The following CFAP43 variants were observed in gnomAD, a reference collection of about 807,000 sequenced individuals.
The protein encoded by CFAP43 is cilia- and flagella-associated protein 43.
Under a neutral mutation model 218.9 loss-of-function variants are expected in CFAP43, and 155 were observed. That is an observed-to-expected ratio of 0.71 (90% CI 0.62 to 0.81). CFAP43 has a LOEUF of 0.81. CFAP43 is among the 30% of genes least tolerant of loss of function. The pLI is 0.00. For synonymous variants in CFAP43, 645 were observed against 681.3 expected (o/e 0.95, Z 0.83); for missense variants, 1,778 against 1,954.3 (o/e 0.91, Z 1.70).
Position 104,131,448 on chromosome 10 carries a change from G to A in CFAP43, c.4714C>T (p.Leu1572Phe), listed in dbSNP as rs1231330887. The A allele has an allele frequency of 1.6e-5, 26 of 1,613,102 alleles. No homozygotes were observed. The highest frequency in any genetic ancestry group is 4.0e-5 in the African/African-American group (3 of 74,850). ...TTGCTGAACTTTCCAAGTTTTTTGA[G>A]TAGTTTCTTGCAGTTTTCCACATTC... ...KKNVENCKKLLKKLGKFSNQK... is the reference protein window; with the variant it reads ...KKNVENCKKLFKKLGKFSNQK... Residue 1572 changes from leucine to phenylalanine, a missense_variant, in exon 37 of 38, where the codon CTC becomes TTC. Leu to Phe is a conservative substitution (Grantham distance 22). Around this residue, in one of 3 missense-constraint regions of CFAP43, gnomAD observed 211 missense variants for 230.6 expected, o/e 0.91. Transcript: ENST00000357060.
In CFAP43 at chr10:104,193,963, C is replaced by A. The variant is rs1315531871; in HGVS notation, c.1345G>T (p.Glu449Ter). Reference sequence around the variant, plus strand: ...CTGATGAAGTAGACCGAGCCATCCTCCGTGCCCACGGCTGCAGAGAGGGAG... The same window carrying A: ...CTGATGAAGTAGACCGAGCCATCCTACGTGCCCACGGCTGCAGAGAGGGAG... Reference protein sequence around the residue: ...PSSLSAAVGTEDGSVYFISVY... With the variant: ...PSSLSAAVGT The change falls in exon 11 of 38, where the codon GAG becomes TAG. Residue 449 changes from glutamate to a stop codon, truncating the protein, a stop_gained. Transcript: ENST00000357060. LOFTEE classifies it high-confidence loss of function. The A allele has an allele frequency of 1.9e-6, 3 of 1,613,960 alleles. No homozygotes were observed. Among genetic ancestry groups the A allele is most frequent in the African/African-American group, 2.7e-5 (2 of 74,906 alleles).
chr10:104,155,204 G>T (rs1192874051), intron 27 of CFAP43, among the ~76,000 whole-genome samples: 1 of 152,174 alleles, frequency 6.6e-6, no homozygotes, highest in Non-Finnish European at 1.5e-5. Flanking sequence ...GCCGGTCACT[G>T]GCTGCCCTGG....
At chr10:104,186,437 C>T (rs2090032603) in intron 14 of CFAP43, among the ~76,000 whole-genome samples, 1 of 152,118 alleles carries the variant, frequency 6.6e-6, no homozygotes, top group Non-Finnish European at 1.5e-5. Context: ...TATCTTCATG[C>T]TTAAGTCAAA....
At chr10:104,184,598 C>G (rs2089970169) in intron 16 of CFAP43, among the ~76,000 whole-genome samples, 1 of 151,976 alleles carries the variant, frequency 6.6e-6, no homozygotes, top group African/African-American at 2.4e-5. Flanking sequence ...AATCCAGAGA[C>G]CATACCCCCA....
chr10:104,182,109 G>T (rs2089865050), intron 17 of CFAP43, among the ~76,000 whole-genome samples: 1 of 152,228 alleles, frequency 6.6e-6, no homozygotes, highest in Non-Finnish European at 1.5e-5. Context: ...AGTGTGGGTA[G>T]AAGATTTTTT....
intron 6 of CFAP43, 151 bp from the exon 7 acceptor site, chr10:104,206,181 G>A (rs1040134324): frequency 6.4e-6 from 4 of 628,540 alleles, no homozygotes; most frequent in African/African-American, 1.9e-5. Context: ...ATAGATGCTA[G>A]ATTAGAGAGA....
chr10:104,174,778 G>A lies in CFAP43; in HGVS notation c.2461-2243C>T, dbSNP rs569566443. Among the ~76,000 whole-genome samples, 52 of 151,934 alleles carry A rather than the reference G, an allele frequency of 3.4e-4. 1 individual carries two copies. In the South Asian group the frequency reaches 6.7e-3, roughly 19 times the overall value. On this transcript the variant is annotated intron_variant, in intron 19 of 37. Transcript: ENST00000357060. ...ATATTTAATGAAAATATAACTGGCC[G>A]GGCGTGGTGGCCCACGCCTGTAATC...
chr10:104,167,716 C>A lies in CFAP43; in HGVS notation c.2713G>T (p.Val905Phe). The change falls in exon 22 of 38, where the codon GTT becomes TTT. Residue 905 changes from valine to phenylalanine, a missense_variant. By Grantham distance (50) the Val-to-Phe change is conservative (BLOSUM62 -1). Coordinates refer to ENST00000357060, the MANE Select transcript of CFAP43 (RefSeq NM_025145.7). ...CGCGCTTTCATCGGGAAGTTTTCAA[C>A]CACACAGGGGATATGAAAACACTTG... ...ALKCFHIPCV[V>F]ENFPMKARTV... 1 of 1,610,204 alleles carries A rather than the reference C, an allele frequency of 6.2e-7. No individual in the cohort carries two copies.
At chr10:104,185,912 A>G in intron 15 of CFAP43, 62 bp downstream of exon 15, 1 of 1,468,504 alleles carries the variant, frequency 6.8e-7, no homozygotes, top group Non-Finnish European at 9.2e-7. Context: ...TACATATAAA[A>G]TGTTTCCTAT....
chr10:104,140,258 C>T (rs559787094), intron 34 of CFAP43, among the ~76,000 whole-genome samples: 1 of 151,942 alleles, frequency 6.6e-6, no homozygotes, highest in Non-Finnish European at 1.5e-5. Flanking sequence ...TAGGCTGGGC[C>T]TAAAAAAACG....
chr10:104,168,659 A>T, intron 21 of CFAP43, 85 bp downstream of exon 21: 2 of 1,194,786 alleles, frequency 1.7e-6, no homozygotes, highest in Non-Finnish European at 2.5e-6. Context: ...CTATGCCTGA[A>T]TTTTCTTAAA....
intron 2 of CFAP43, 89 bp downstream of exon 2, chr10:104,230,501 A>C: frequency 2.0e-6 from 3 of 1,496,644 alleles, no homozygotes; most frequent in Non-Finnish European, 2.7e-6. Flanking sequence ...AAAACCTTTC[A>C]AAAAATAAAT....
Position 104,166,568 on chromosome 10 carries a change from C to T in CFAP43, c.2959G>A (p.Gly987Arg). Residue 987 changes from glycine (G) to arginine (R), a missense_variant, in exon 23 of 38, where the codon GGG becomes AGG. Around this residue, in one of 3 missense-constraint regions of CFAP43, gnomAD observed 1,553 missense variants for 1,685.2 expected, o/e 0.92. Coordinates refer to ENST00000357060, the MANE Select transcript of CFAP43 (RefSeq NM_025145.7). ...CTTGACAATAAAGAGGTATCTACCCCAAAATCAGTACTCAGACTACCAAGC... is the reference window on the plus strand; with the variant it reads ...CTTGACAATAAAGAGGTATCTACCCTAAAATCAGTACTCAGACTACCAAGC... Reference protein sequence around the residue: ...YLLGSLSTDFGVDTSLLSSQL... With the variant: ...YLLGSLSTDFRVDTSLLSSQL... The T allele has an allele frequency of 6.2e-7, 1 of 1,614,108 alleles. No individual in the cohort carries two copies. Among genetic ancestry groups the T allele is most frequent in the Non-Finnish European group, 8.5e-7 (1 of 1,180,018 alleles).
At chr10:104,232,029 G>A (rs1297423021) in intron 1 of CFAP43, among the ~76,000 whole-genome samples, 153 bp downstream of exon 1, 1 of 152,080 alleles carries the variant, frequency 6.6e-6, no homozygotes, top group African/African-American at 2.4e-5. Context: ...ACACGGGGAG[G>A]GAGGCTGAGG....
chr10:104,134,783 A>G (rs1393900375), intron 34 of CFAP43, among the ~76,000 whole-genome samples: 1 of 152,198 alleles, frequency 6.6e-6, no homozygotes, highest in Admixed American at 6.5e-5. Context: ...GGCTTCACTG[A>G]TGAATTCTAT....
chr10:104,224,076 C>T (rs2091248926), intron 3 of CFAP43, among the ~76,000 whole-genome samples: 1 of 152,154 alleles, frequency 6.6e-6, no homozygotes. Context: ...TGGAGTCTTG[C>T]TCTGTCGCCA....
intron 22 of CFAP43, 21 bp from the exon 23 acceptor site, chr10:104,166,739 C>T: frequency 6.4e-7 from 1 of 1,572,304 alleles, no homozygotes; most frequent in Non-Finnish European, 8.6e-7. Flanking sequence ...AAAAAGATGA[C>T]ACAGAAGTTA....
intron 3 of CFAP43, among the ~76,000 whole-genome samples, chr10:104,220,529 C>T (rs1378108745): frequency 6.6e-6 from 1 of 151,970 alleles, no homozygotes; most frequent in East Asian, 1.9e-4. Flanking sequence ...TTAAAGCCCA[C>T]TCAGCAACTC....
At chr10:104,179,670 G>A (rs2089757093) in intron 18 of CFAP43, among the ~76,000 whole-genome samples, 170 bp downstream of exon 18, 1 of 152,200 alleles carries the variant, frequency 6.6e-6, no homozygotes, top group Non-Finnish European at 1.5e-5. Flanking sequence ...ATTGGGCTGT[G>A]TTTAGGGTGT....
Sources: allele counts gnomAD v4.1 joint callset (sites outside exome capture counted in the v4.1 genomes callset), GRCh38; gene constraint gnomAD v4.1.1; regional missense constraint gnomAD v4.1.1; transcripts MANE v1.5; gene names NCBI Gene and HGNC (gene_info 2026-07-23, HGNC 2026-07-21).